ARHGAP35: variants seen among roughly 807,000 people sequenced by gnomAD.
ARHGAP35 encodes the protein rho GTPase-activating protein 35.
Under a neutral mutation model 111.1 loss-of-function variants are expected in ARHGAP35, and 15 were observed. That is an observed-to-expected ratio of 0.13 (90% CI 0.09 to 0.21). The LOEUF (loss-of-function observed/expected upper bound fraction) is 0.21, where lower values mean the gene tolerates loss of function less well. ARHGAP35 is among the 10% of genes least tolerant of loss of function. The pLI, the probability that ARHGAP35 is intolerant of heterozygous loss-of-function variation, is 1.00. For synonymous variants in ARHGAP35, 643 were observed against 710.3 expected (o/e 0.91, Z 1.51); for missense variants, 1,262 against 1,873.0 (o/e 0.67, Z 6.02).
intron 5 of ARHGAP35, among the ~76,000 whole-genome samples, chr19:46,996,494 T>A (rs1371551929): frequency 7.4e-6 from 1 of 136,052 alleles, no homozygotes; most frequent in Non-Finnish European, 1.6e-5. Context: ...TTGCTACTCA[T>A]CAGATAGGAA....
rs1240236075 is a variant in ARHGAP35, at chr19:46,872,893, A to AAT, written c.-189+11685_-189+11686insTA. Among the ~76,000 whole-genome samples, 8 of 152,026 alleles carry AAT rather than the reference A, an allele frequency of 5.3e-5. No individual in the cohort carries two copies. The Middle Eastern group carries it at 0.017, about 323-fold the overall frequency. ...AAGACTCCGTCTCAAAAAAAAAAAA[A>AAT]AATTAATTACTAATAATATTACCAA... On this transcript the variant is annotated intron_variant, in intron 1 of 6. Coordinates refer to ENST00000672722, the MANE Select transcript of ARHGAP35 (RefSeq NM_004491.5).
intron 3 of ARHGAP35, among the ~76,000 whole-genome samples, chr19:46,982,010 C>A (rs1480154119): frequency 6.6e-6 from 1 of 152,144 alleles, no homozygotes; most frequent in Non-Finnish European, 1.5e-5. Context: ...TGACACCATG[C>A]CTGGCTAATT....
Position 46,988,659 on chromosome 19 carries a change from C to A in ARHGAP35, c.3904+593C>A, listed in dbSNP as rs548243742. The A allele has an allele frequency of 6.5e-6, 1 of 154,600 alleles. No homozygotes were observed. Among genetic ancestry groups the A allele is most frequent in the African/African-American group, 2.4e-5 (1 of 41,602 alleles). 9.6% of individuals were successfully genotyped at this position (154,600 alleles called of 1,614,324 possible). On this transcript the variant is annotated intron_variant, in intron 4 of 6. Coordinates refer to ENST00000672722, the MANE Select transcript of ARHGAP35 (RefSeq NM_004491.5). The surrounding 1 kb of genome is among the most constrained non-coding windows in gnomAD (Gnocchi z 5.4). ...CACACTGTGGGATGAGAAGCCACGT[C>A]CCCCAGTGCCAGAAGCAAAAGCACC...
At chr19:46,966,472 G>T (rs888047977) in intron 3 of ARHGAP35, among the ~76,000 whole-genome samples, 2 of 152,142 alleles carry the variant, frequency 1.3e-5, no homozygotes, top group Non-Finnish European at 2.9e-5. Context: ...TCACTTGAGC[G>T]TGGGAGGTTG....
At chr19:46,864,109 T>C (rs2055843261) in intron 1 of ARHGAP35, among the ~76,000 whole-genome samples, 1 of 152,244 alleles carries the variant, frequency 6.6e-6, no homozygotes, top group African/African-American at 2.4e-5. Flanking sequence ...CTGACATTCC[T>C]TAAGCTTTTT....
At chr19:46,952,413 A>T (rs1312367554) in intron 3 of ARHGAP35, among the ~76,000 whole-genome samples, 4 of 152,228 alleles carry the variant, frequency 2.6e-5, no homozygotes, top group Non-Finnish European at 4.4e-5. Flanking sequence ...CTGCAAAATA[A>T]TCTGTAATTG....
rs1244630305 is a variant in ARHGAP35 at position 46,993,329 on chromosome 19, C to T, written c.4036+3654C>T. Among the ~76,000 whole-genome samples, 1 of 152,234 alleles carries T rather than the reference C, an allele frequency of 6.6e-6. No individual in the cohort carries two copies. The highest frequency in any genetic ancestry group is 1.5e-5 in the Non-Finnish European group (1 of 68,038). On this transcript the variant is annotated intron_variant, in intron 5 of 6. Coordinates refer to ENST00000672722, the MANE Select transcript of ARHGAP35 (RefSeq NM_004491.5). This position sits in a 1 kb window ranked among gnomAD's most constrained non-coding sequence, Gnocchi z 4.6. Reference sequence around the variant, plus strand: ...GCGATGCAGGCGTGCAGATGGTCAGCGGCGGCCAGCAGGGACTTTCCTCCA... The same window carrying T: ...GCGATGCAGGCGTGCAGATGGTCAGTGGCGGCCAGCAGGGACTTTCCTCCA...
intron 1 of ARHGAP35, among the ~76,000 whole-genome samples, chr19:46,894,471 G>A (rs1180356285): frequency 2.8e-5 from 4 of 143,544 alleles, no homozygotes; most frequent in Non-Finnish European, 3.0e-5. Context: ...TTTTGGAGAC[G>A]GAGTCGCTCT....
intron 3 of ARHGAP35, among the ~76,000 whole-genome samples, chr19:46,984,995 GTGACAT>G (rs2056641576): frequency 6.6e-6 from 1 of 152,212 alleles, no homozygotes; most frequent in Non-Finnish European, 1.5e-5. Context: ...CTCAGGAACG[GTGACAT>G]TGCTGCATTA....
At chr19:46,883,924 G>A (rs921549593) in intron 1 of ARHGAP35, among the ~76,000 whole-genome samples, 4 of 152,036 alleles carry the variant, frequency 2.6e-5, no homozygotes, top group Non-Finnish European at 4.4e-5. Flanking sequence ...GCATGGTGGC[G>A]CATACCTGTA....
At position 46,986,689 on chromosome 19, in the gene ARHGAP35, C is replaced by G. The variant is rs923455752; in HGVS notation, c.3827-1300C>G. Among the ~76,000 whole-genome samples the G allele has an allele frequency of 6.6e-6, 1 of 152,128 alleles. No homozygotes were observed. The highest frequency in any genetic ancestry group is 6.6e-5 in the Admixed American group (1 of 15,266). On this transcript the variant is annotated intron_variant, in intron 3 of 6. Transcript: ENST00000672722. The surrounding 1 kb of genome is among the most constrained non-coding windows in gnomAD (Gnocchi z 4.3). ...TAATTACTTAATATTCATAGACTTTCTCAAGTTCAAAATAAGAACACTAGG... is the reference window on the plus strand; with the variant it reads ...TAATTACTTAATATTCATAGACTTTGTCAAGTTCAAAATAAGAACACTAGG...
At chr19:46,890,712 C>G (rs2056019598) in intron 1 of ARHGAP35, among the ~76,000 whole-genome samples, 1 of 152,228 alleles carries the variant, frequency 6.6e-6, no homozygotes, top group Non-Finnish European at 1.5e-5. Context: ...CTTTGCCAAA[C>G]TGGAGAGGTA....
rs1259870464 is a variant in ARHGAP35 at position 46,908,969 on chromosome 19, G to T, written c.-188-9519G>T. On this transcript the variant is annotated intron_variant, in intron 1 of 6. Transcript: ENST00000672722. The surrounding 1 kb of genome is among the most constrained non-coding windows in gnomAD (Gnocchi z 4.2). Reference sequence around the variant, plus strand: ...GGGACATTTGCAAAAATTATAAATGGAATGTCAGAGAATCTTTCATAGCTA... The same window carrying T: ...GGGACATTTGCAAAAATTATAAATGTAATGTCAGAGAATCTTTCATAGCTA... 6.6e-6 allele frequency among the ~76,000 whole-genome samples: 1 copy of T among 152,058 alleles called. No individual in the cohort carries two copies. The highest frequency in any genetic ancestry group is 1.5e-5 in the Non-Finnish European group (1 of 68,022).
At chr19:46,876,696 CGG>C in intron 1 of ARHGAP35, among the ~76,000 whole-genome samples, 1 of 150,156 alleles carries the variant, frequency 6.7e-6, no homozygotes, top group South Asian at 2.1e-4. Flanking sequence ...TTCATAGAGA[CGG>C]GGACTCGCTG....
chr19:46,982,894 T>C (rs1465614191), intron 3 of ARHGAP35, among the ~76,000 whole-genome samples: 2 of 150,276 alleles, frequency 1.3e-5, no homozygotes, highest in African/African-American at 4.9e-5. Context: ...AAAAAAAAAT[T>C]TAAAAATTAG....
At chr19:46,911,329 A>C (rs1446336308) in intron 1 of ARHGAP35, among the ~76,000 whole-genome samples, 2 of 151,848 alleles carry the variant, frequency 1.3e-5, no homozygotes, top group Non-Finnish European at 2.9e-5. Context: ...TGGTTTGGCT[A>C]TTTTTTTTAA....
intron 2 of ARHGAP35, among the ~76,000 whole-genome samples, chr19:46,930,832 T>C (rs1224178530): frequency 6.6e-6 from 1 of 151,894 alleles, no homozygotes; most frequent in Non-Finnish European, 1.5e-5. Context: ...TGTTACCAAA[T>C]AGATTGGAAG....
chr19:46,883,923 C>T (rs976041631), intron 1 of ARHGAP35, among the ~76,000 whole-genome samples: 2 of 151,960 alleles, frequency 1.3e-5, no homozygotes, highest in African/African-American at 2.4e-5. Flanking sequence ...GGCATGGTGG[C>T]GCATACCTGT....
rs1229202607 is a variant in ARHGAP35 at position 47,004,012 on chromosome 19, C to A, written c.*3324C>A. ...CAAGAGTCACCTCAGCTGCGCCCCC[C>A]TCCCATCCTTTCCTATGAGAAGCCA... On this transcript the variant is annotated 3_prime_UTR_variant, in exon 7 of 7. Transcript: ENST00000672722. The A allele has an allele frequency of 6.6e-6, 1 of 152,420 alleles. No individual in the cohort carries two copies. Among genetic ancestry groups the A allele is most frequent in the Non-Finnish European group, 1.5e-5 (1 of 68,200 alleles). The allele number at this position is 152,420 out of a possible 1,614,324, so 9.4% of individuals were successfully genotyped here. A position where few individuals can be genotyped will look rare whatever the true frequency, so the allele number is the denominator to read the frequency against.
Sources: allele counts gnomAD v4.1 joint callset (sites outside exome capture counted in the v4.1 genomes callset), GRCh38; gene constraint gnomAD v4.1.1; non-coding constraint Gnocchi (gnomAD v3.1); transcripts MANE v1.5; gene names NCBI Gene and HGNC (gene_info 2026-07-23, HGNC 2026-07-21).